Variants in BCAS3 observed in about 807,000 individuals in gnomAD.
The protein encoded by BCAS3 is BCAS3 microtubule associated cell migration factor.
Under a neutral mutation model 116.1 loss-of-function variants are expected in BCAS3, and 53 were observed. The ratio of observed to expected loss-of-function variants is 0.46; its 90% CI spans 0.37 to 0.57. The LOEUF is 0.57. Among genes scored for constraint, BCAS3 ranks in the 20% least tolerant of loss-of-function variants. BCAS3 has a pLI of 0.00. For synonymous variants in BCAS3, 391 were observed against 408.2 expected, an observed-to-expected ratio of 0.96 and a Z score of 0.51; for missense variants, 917 against 1,165.4, an observed-to-expected ratio of 0.79 and a Z score of 3.10.
At chr17:60,975,823 T>C (rs2062309612) in intron 14 of BCAS3, among the ~76,000 whole-genome samples, 1 of 152,158 alleles carries the variant, frequency 6.6e-6, no homozygotes, top group African/African-American at 2.4e-5. Flanking sequence ...TTTCTTTCAC[T>C]TTGCATAATG....
intron 4 of BCAS3, among the ~76,000 whole-genome samples, chr17:60,704,638 C>T (rs549754422): frequency 6.6e-6 from 1 of 151,982 alleles, no homozygotes; most frequent in South Asian, 2.1e-4. Context: ...GTCAGGAGTT[C>T]GAGACCAGCC....
intron 19 of BCAS3, among the ~76,000 whole-genome samples, chr17:61,058,535 T>C (rs1279246876): frequency 1.3e-5 from 2 of 152,186 alleles, no homozygotes; most frequent in Admixed American, 6.5e-5. Context: ...TTGCATCATG[T>C]ACACCTTTAA....
chr17:60,727,604 T>G (rs1052821197), intron 5 of BCAS3: 1 of 684,402 alleles, frequency 1.5e-6, no homozygotes, highest in African/African-American at 1.8e-5. Context: ...AAGGGCAGTT[T>G]TAGGTTCACG....
intron 6 of BCAS3, among the ~76,000 whole-genome samples, chr17:60,752,689 C>A (rs997622416): frequency 6.6e-6 from 1 of 151,720 alleles, no homozygotes; most frequent in African/African-American, 2.4e-5. Context: ...TTGTGTATTT[C>A]AATTTTGATG....
chr17:61,267,573 A>C (rs547069312), intron 22 of BCAS3, among the ~76,000 whole-genome samples: 1 of 150,602 alleles, frequency 6.6e-6, no homozygotes, highest in South Asian at 2.1e-4. Context: ...CTCTGTCTCT[A>C]CTAAAATACA....
Position 61,392,273 on chromosome 17 carries a change from GATGGAGAAGAGA to G in BCAS3, c.*149_*160del. 3 of 957,308 alleles carry G rather than the reference GATGGAGAAGAGA, an allele frequency of 3.1e-6. No homozygotes were observed. The highest frequency in any genetic ancestry group is 4.6e-6 in the Non-Finnish European group (3 of 658,520). The allele number at this position is 957,308 out of a possible 1,614,324, so 59.3% of individuals were successfully genotyped here. On this transcript the variant is annotated 3_prime_UTR_variant, in exon 24 of 24. Coordinates refer to ENST00000407086, the MANE Select transcript of BCAS3 (RefSeq NM_017679.5). This position sits in a 1 kb window ranked among gnomAD's most constrained non-coding sequence, Gnocchi z 6.4. ...TGACAGCAGCCGCCCATCCTACCTG[GATGGAGAAGAGA>G]CCCTTCTCCAAGCACCTCAGCGCAC...
At chr17:60,798,467 T>C (rs2144577190) in intron 6 of BCAS3, among the ~76,000 whole-genome samples, 1 of 152,354 alleles carries the variant, frequency 6.6e-6, no homozygotes, top group South Asian at 2.1e-4. Context: ...ATAGCCTTTT[T>C]ATATTGGCTT....
rs559240771 is a variant in BCAS3 at position 61,332,745 on chromosome 17, A to G, written c.2426-35582A>G. Among the ~76,000 whole-genome samples, 171 of 152,160 alleles carry G rather than the reference A, an allele frequency of 1.1e-3. No homozygotes were observed. The highest frequency in any genetic ancestry group is 4.0e-3 in the African/African-American group (167 of 41,498). On this transcript the variant is annotated intron_variant, in intron 22 of 23. Transcript: ENST00000407086. This position sits in a 1 kb window ranked among gnomAD's most constrained non-coding sequence, Gnocchi z 5.4. ...ATTCTCCTGCCTCAGCTTCCTGAAT[A>G]GCTGGGATTATAGGCGTCTGCCACC...
chr17:61,011,140 T>C (rs1465856621), intron 15 of BCAS3, among the ~76,000 whole-genome samples: 1 of 149,518 alleles, frequency 6.7e-6, no homozygotes, highest in Admixed American at 6.6e-5. Flanking sequence ...ATTGTACTCA[T>C]GCAATAAAGG....
chr17:61,206,296 G>A (rs866765798), intron 22 of BCAS3, among the ~76,000 whole-genome samples: 2 of 152,154 alleles, frequency 1.3e-5, no homozygotes, highest in African/African-American at 2.4e-5. Context: ...GGCATTCTGC[G>A]TTCATCGTGT....
intron 22 of BCAS3, among the ~76,000 whole-genome samples, chr17:61,116,245 AAAAT>A (rs548479481): frequency 5.4e-4 from 34 of 63,376 alleles, no homozygotes; most frequent in Admixed American, 3.4e-3. Context: ...GTATAATAAA[AAAAT>A]AAATAAATAA....
intron 5 of BCAS3, among the ~76,000 whole-genome samples, chr17:60,739,345 C>T (rs796217480): frequency 6.6e-5 from 10 of 152,092 alleles, no homozygotes; most frequent in East Asian, 1.9e-4. Context: ...TTGGGTCAGG[C>T]GCAGTGGCTC....
chr17:60,989,982 C>A lies in BCAS3; in HGVS notation c.1233C>A (p.Ile411=), dbSNP rs376485218. The A allele has an allele frequency of 6.2e-7, 1 of 1,614,070 alleles. No homozygotes were observed. Among genetic ancestry groups the A allele is most frequent in the African/African-American group, 1.3e-5 (1 of 75,044 alleles). ...RGETEAKVQD[I]CFSHDCRWVV... ...TATCTCATTTCTAGGTACAGGACAT[C>A]TGCTTCAGCCATGACTGTCGCTGGG... Residue 411 remains isoleucine, a synonymous_variant, in exon 15 of 24, where the codon ATC becomes ATA. Coordinates refer to ENST00000407086, the MANE Select transcript of BCAS3 (RefSeq NM_017679.5).
chr17:61,089,291 G>A (rs553234939), intron 22 of BCAS3, among the ~76,000 whole-genome samples: 8 of 151,634 alleles, frequency 5.3e-5, no homozygotes, highest in African/African-American at 1.9e-4. Flanking sequence ...TTGGCATTTG[G>A]TATATCACCT....
At chr17:61,055,185 G>A (rs2069250819) in intron 19 of BCAS3, among the ~76,000 whole-genome samples, 1 of 152,184 alleles carries the variant, frequency 6.6e-6, no homozygotes, top group African/African-American at 2.4e-5. Flanking sequence ...GGTTGATATT[G>A]GCAGGAGCTT....
intron 22 of BCAS3, among the ~76,000 whole-genome samples, chr17:61,148,268 A>G (rs1038085917): frequency 1.3e-5 from 2 of 152,242 alleles, no homozygotes; most frequent in Non-Finnish European, 2.9e-5. Context: ...AACTGCCCTC[A>G]AATTTGGAGC....
intron 22 of BCAS3, among the ~76,000 whole-genome samples, chr17:61,154,981 A>G (rs927643736): frequency 6.6e-6 from 1 of 151,128 alleles, no homozygotes; most frequent in African/African-American, 2.4e-5. Context: ...ATGTTTTTCT[A>G]TTTGCATTTT....
intron 2 of BCAS3, 75 bp downstream of exon 2, chr17:60,679,615 GA>G (rs2032678413): frequency 3.3e-6 from 4 of 1,194,692 alleles, no homozygotes; most frequent in Non-Finnish European, 4.9e-6. Context: ...TTTTCTTTAT[GA>G]ACAGTGGTTA....
At position 61,315,936 on chromosome 17, in the gene BCAS3, T is replaced by C. The variant is rs2054695487; in HGVS notation, c.2426-52391T>C. Among the ~76,000 whole-genome samples the C allele has an allele frequency of 1.3e-5, 2 of 152,324 alleles. No homozygotes were observed. The highest frequency in any genetic ancestry group is 4.1e-4 in the South Asian group (2 of 4,830). On this transcript the variant is annotated intron_variant, in intron 22 of 23. Transcript: ENST00000407086. This position sits in a 1 kb window ranked among gnomAD's most constrained non-coding sequence, Gnocchi z 5.3. ...TATTGTCCACCTACCTACTTCTCTA[T>C]CTCACTGAACCTCTTTAGGACCAGG...
Sources: gnomAD v4.1 joint callset for allele counts (sites outside exome capture counted in the v4.1 genomes callset) on GRCh38, gnomAD v4.1.1 for gene constraint, Gnocchi (gnomAD v3.1) non-coding constraint, MANE v1.5 for transcripts, NCBI Gene and HGNC (gene_info 2026-07-23, HGNC 2026-07-21) for gene names.